Variants in ULK1 observed in about 807,000 individuals in gnomAD.
The protein encoded by ULK1 is unc-51 like autophagy activating kinase 1.
Under a neutral mutation model 117.5 loss-of-function variants are expected in ULK1, and 48 were observed. The observed-to-expected ratio is 0.41, with a 90% CI of 0.32 to 0.52. ULK1 has a LOEUF of 0.52. Ranked by LOEUF, ULK1 falls within the 20% of genes least tolerant of loss-of-function variation. ULK1 has a pLI of 0.29. For synonymous variants in ULK1, 790 were observed against 637.8 expected (o/e 1.24, Z -3.60); for missense variants, 1,387 against 1,473.4 (o/e 0.94, Z 0.96).
chr12:131,920,481 T>G, intron 26 of ULK1: 1 of 300,736 alleles, frequency 3.3e-6, no homozygotes, highest in Non-Finnish European at 6.3e-6. Context: ...GGAAGTGTGG[T>G]GCACTCAGGT....
At chr12:131,904,584 G>C (rs1233388044) in intron 3 of ULK1, among the ~76,000 whole-genome samples, 1 of 152,182 alleles carries the variant, frequency 6.6e-6, no homozygotes. Flanking sequence ...TGAGTGGCTG[G>C]GGGATGGGGT....
rs1257377730 is a variant in ULK1 at position 131,911,921 on chromosome 12, AG to A, written c.949-20del. On this transcript the variant is annotated intron_variant, in intron 12 of 27. Transcript: ENST00000321867. ...TGTAGGTCCCTGAGACCTGCTCACC[AG>A]CCCCTCCGTTGACTCTCAGTCCCTG... is the stretch of plus-strand genomic sequence containing the variant. 6.2e-7 allele frequency: 1 copy of A among 1,612,634 alleles called. No individual in the cohort carries two copies. Among genetic ancestry groups the A allele is most frequent in the Non-Finnish European group, 8.5e-7 (1 of 1,179,952 alleles).
At position 131,908,637 on chromosome 12, in the gene ULK1, C is replaced by A; in HGVS notation, c.317-7C>A. On this transcript the variant is annotated splice_polypyrimidine_tract_variant and splice_region_variant and intron_variant, in intron 5 of 27. Transcript: ENST00000321867. ...GCCCCCAGGCCCTGAGCCGCCTCTC[C>A]CCGCAGCCATGCGCACGCTGAGCGA... is the stretch of plus-strand genomic sequence containing the variant. 1 of 1,498,162 alleles carries A rather than the reference C, an allele frequency of 6.7e-7. No individual in the cohort carries two copies. The highest frequency in any genetic ancestry group is 8.9e-7 in the Non-Finnish European group (1 of 1,129,752). 92.8% of individuals were successfully genotyped at this position (1,498,162 alleles called of 1,614,324 possible). A position where few individuals can be genotyped will look rare whatever the true frequency, so the allele number is the denominator to read the frequency against.
chr12:131,921,172 C>A lies in ULK1; in HGVS notation c.3034C>A (p.Leu1012Met), dbSNP rs764172333. 74 of 1,605,746 alleles carry A rather than the reference C, an allele frequency of 4.6e-5. 1 individual carries two copies. The Middle Eastern group carries it at 1.2e-3, about 25-fold the overall frequency. Reference protein sequence around the residue: ...GCVPRYHKALLLLEGLQHMLS... With the variant: ...GCVPRYHKALMLLEGLQHMLS... ...CGTCCCACGCTACCACAAGGCCCTG[C>A]TGCTCCTGGAGGGGCTGCAGCACAT... The change falls in exon 27 of 28, where the codon CTG becomes ATG. Residue 1012 changes from leucine (L) to methionine (M), a missense_variant. By Grantham distance (15) the Leu-to-Met change is conservative. Around this residue, in one of 4 missense-constraint regions of ULK1, gnomAD observed 900 missense variants for 858.9 expected, o/e 1.05. Transcript: ENST00000321867.
In ULK1 at chr12:131,913,762, C is replaced by G; in HGVS notation, c.1173C>G (p.Ala391=). The G allele has an allele frequency of 6.4e-7, 1 of 1,563,536 alleles. No individual in the cohort carries two copies. Among genetic ancestry groups the G allele is most frequent in the Non-Finnish European group, 8.7e-7 (1 of 1,155,058 alleles). The change falls in exon 15 of 28, where the codon GCC becomes GCG. Residue 391 remains alanine, a synonymous_variant. Coordinates refer to ENST00000321867, the MANE Select transcript of ULK1 (RefSeq NM_003565.4). ...TGCCCCACAGGAGCTCACTGGTGGC[C>G]TCTGCGGGCTTGGAGAGCCACGGCC... is the stretch of plus-strand genomic sequence containing the variant. ...SLMCSGSSLV[A]SAGLESHGRT...
chr12:131,920,920 C>A, intron 26 of ULK1, 180 bp from the exon 27 acceptor site: 1 of 845,444 alleles, frequency 1.2e-6, no homozygotes, highest in Non-Finnish European at 1.8e-6. Flanking sequence ...CAGGCAGTGT[C>A]TCCCCTTGGC....
rs761050365 is a variant in ULK1, at chr12:131,917,393, C to T, written c.2183-18C>T. 24 of 1,469,954 alleles carry T rather than the reference C, an allele frequency of 1.6e-5. No individual in the cohort carries two copies. The highest frequency in any genetic ancestry group is 9.5e-5 in the South Asian group (7 of 73,714). The allele number at this position is 1,469,954 out of a possible 1,614,324, so 91.1% of individuals were successfully genotyped here. A position where few individuals can be genotyped will look rare whatever the true frequency, so the allele number is the denominator to read the frequency against. ...GGCGGGAGTCAGGATGCTCCTGAGC[C>T]CTTCCTTGCTCTCCCAGCACCCTCA... On this transcript the variant is annotated intron_variant, in intron 21 of 27. Transcript: ENST00000321867.
chr12:131,906,779 G>A, intron 3 of ULK1, 113 bp from the exon 4 acceptor site: 2 of 1,359,488 alleles, frequency 1.5e-6, no homozygotes, highest in Non-Finnish European at 1.0e-6. Flanking sequence ...TGGCTGACCA[G>A]CTAAGTCCTG....
Position 131,921,910 on chromosome 12 carries a change from G to A in ULK1, c.*549G>A, listed in dbSNP as rs1566132635. On this transcript the variant is annotated 3_prime_UTR_variant, in exon 28 of 28. Transcript: ENST00000321867. ...GGCAGCGATTCCTGGCAGTGGCCTGGTGTTTGTACATACACATATGCAGAC... is the reference window on the plus strand; with the variant it reads ...GGCAGCGATTCCTGGCAGTGGCCTGATGTTTGTACATACACATATGCAGAC... 2.2e-6 allele frequency: 1 copy of A among 457,050 alleles called. No individual in the cohort carries two copies. Among genetic ancestry groups the A allele is most frequent in the African/African-American group, 2.0e-5 (1 of 50,234 alleles). The allele number at this position is 457,050 out of a possible 1,614,324, so 28.3% of individuals were successfully genotyped here. A position where few individuals can be genotyped will look rare whatever the true frequency, so the allele number is the denominator to read the frequency against.
At chr12:131,918,373 T>C in intron 22 of ULK1, 124 bp from the exon 23 acceptor site, 1 of 1,172,504 alleles carries the variant, frequency 8.5e-7, no homozygotes, top group South Asian at 1.5e-5. Flanking sequence ...AGCATTGGGA[T>C]ATAACAGGTG....
intron 25 of ULK1, 138 bp from the exon 26 acceptor site, chr12:131,919,841 A>G (rs895405408): frequency 3.2e-5 from 43 of 1,326,850 alleles, no homozygotes; most frequent in Non-Finnish European, 3.8e-5. Context: ...GCCTGGCCAC[A>G]CCCTCAAGGC....
At chr12:131,919,639 C>G in intron 25 of ULK1, 49 bp downstream of exon 25, 1 of 1,583,112 alleles carries the variant, frequency 6.3e-7, no homozygotes. Flanking sequence ...GGAGGAAGCC[C>G]ACCTTGCAAC....
At chr12:131,904,663 G>A (rs377123275) in intron 3 of ULK1, among the ~76,000 whole-genome samples, 3 of 152,288 alleles carry the variant, frequency 2.0e-5, no homozygotes, top group East Asian at 3.9e-4. Context: ...ATCCCTGCTT[G>A]TCCTGGCTTT....
chr12:131,913,962 G>C, intron 15 of ULK1, 126 bp downstream of exon 15: 2 of 869,028 alleles, frequency 2.3e-6, no homozygotes. Flanking sequence ...CTTCTCCCAG[G>C]CCTCGCAGGA....
chr12:131,904,688 A>C (rs1005162498), intron 3 of ULK1, among the ~76,000 whole-genome samples: 17 of 151,858 alleles, frequency 1.1e-4, no homozygotes, highest in African/African-American at 4.1e-4. Flanking sequence ...GTGGGTTTGG[A>C]GCTCTGATGA....
At chr12:131,913,167 A>G in intron 13 of ULK1, 31 bp from the exon 14 acceptor site, 2 of 1,539,974 alleles carry the variant, frequency 1.3e-6, no homozygotes, top group South Asian at 1.2e-5. Flanking sequence ...GGCGGCAAGG[A>G]CTCCAGGCCC....
chr12:131,899,586 G>A (rs1209473274), intron 3 of ULK1, among the ~76,000 whole-genome samples: 9 of 152,190 alleles, frequency 5.9e-5, no homozygotes, highest in Admixed American at 5.9e-4. Context: ...GAACACCTGA[G>A]CTCAAGAGAT....
rs1489404381 is a variant in ULK1, at chr12:131,915,323, C to T, written c.1523-12C>T. 6.2e-7 allele frequency: 1 copy of T among 1,612,616 alleles called. No individual in the cohort carries two copies. Among genetic ancestry groups the T allele is most frequent in the Admixed American group, 1.7e-5 (1 of 60,006 alleles). On this transcript the variant is annotated splice_polypyrimidine_tract_variant and intron_variant, in intron 17 of 27. Transcript: ENST00000321867. Reference sequence around the variant, plus strand: ...CCCAGCTGGACCCTGACAGATCTCTCTTTTCCCCAAGTTGGAACCATCCCT... The same window carrying T: ...CCCAGCTGGACCCTGACAGATCTCTTTTTTCCCCAAGTTGGAACCATCCCT...
chr12:131,920,928 G>T, intron 26 of ULK1, 172 bp from the exon 27 acceptor site: 1 of 904,662 alleles, frequency 1.1e-6, no homozygotes, highest in Non-Finnish European at 1.6e-6. Flanking sequence ...GTCTCCCCTT[G>T]GCCCTGTGAC....
Sources: gnomAD v4.1 joint callset for allele counts (sites outside exome capture counted in the v4.1 genomes callset) on GRCh38, gnomAD v4.1.1 for gene constraint, gnomAD v4.1.1 regional missense constraint, MANE v1.5 for transcripts, NCBI Gene and HGNC (gene_info 2026-07-23, HGNC 2026-07-21) for gene names.